Variants in ADGRG7 observed in about 807,000 individuals in gnomAD.
ADGRG7 encodes G-protein coupled receptor 128.
In ADGRG7, 82 loss-of-function variants were observed where a neutral mutation model predicts 88.6. The ratio of observed to expected loss-of-function variants is 0.93; its 90% CI spans 0.77 to 1.11. ADGRG7 has a LOEUF of 1.11. Ranked by LOEUF, ADGRG7 falls within the 50% of genes most tolerant of loss-of-function variation. The probability of loss-of-function intolerance (pLI) is 0.00; values close to 1 mark genes in which losing one functional copy is unlikely to be tolerated. For synonymous variants in ADGRG7, 381 were observed against 345.2 expected, an observed-to-expected ratio of 1.10 and a Z score of -1.15; for missense variants, 945 against 953.4, an observed-to-expected ratio of 0.99 and a Z score of 0.12.
intron 6 of ADGRG7, 87 bp from the exon 7 acceptor site, chr3:100,643,179 G>A: frequency 8.6e-7 from 1 of 1,167,520 alleles, no homozygotes; most frequent in Non-Finnish European, 1.2e-6. Context: ...CTATGCTCAT[G>A]TCTTTCTGCT....
intron 15 of ADGRG7, among the ~76,000 whole-genome samples, chr3:100,675,490 G>T (rs2094963897): frequency 6.6e-6 from 1 of 152,056 alleles, no homozygotes; most frequent in Non-Finnish European, 1.5e-5. Flanking sequence ...GCTGAATTTG[G>T]TTTTTTAGAA....
chr3:100,674,029 A>G (rs1219989226), intron 15 of ADGRG7, among the ~76,000 whole-genome samples: 1 of 152,210 alleles, frequency 6.6e-6, no homozygotes, highest in Non-Finnish European at 1.5e-5. Context: ...ATTTAGTGCT[A>G]TAAATTTCCC....
intron 13 of ADGRG7, among the ~76,000 whole-genome samples, chr3:100,658,290 T>C (rs1391202621): frequency 6.6e-6 from 1 of 152,256 alleles, no homozygotes; most frequent in Non-Finnish European, 1.5e-5. Flanking sequence ...TCCATATTAT[T>C]GCAATAGACT....
intron 10 of ADGRG7, among the ~76,000 whole-genome samples, chr3:100,648,835 C>T (rs558103318): frequency 6.6e-6 from 1 of 152,196 alleles, no homozygotes; most frequent in South Asian, 2.1e-4. Flanking sequence ...ATGAACTATA[C>T]ATATCCAACC....
At chr3:100,671,595 A>G (rs923673669) in intron 15 of ADGRG7, among the ~76,000 whole-genome samples, 1 of 152,104 alleles carries the variant, frequency 6.6e-6, no homozygotes, top group African/African-American at 2.4e-5. Flanking sequence ...TTTTGTTGCC[A>G]TTGCTTTTGG....
chr3:100,687,016 G>A (rs955540219), intron 15 of ADGRG7, among the ~76,000 whole-genome samples: 6 of 152,290 alleles, frequency 3.9e-5, no homozygotes, highest in Admixed American at 6.5e-5. Flanking sequence ...CCATGAGCAT[G>A]GAATGTTCTT....
chr3:100,626,123 T>C (rs1707377467), intron 1 of ADGRG7, among the ~76,000 whole-genome samples: 1 of 152,222 alleles, frequency 6.6e-6, no homozygotes, highest in South Asian at 2.1e-4. Flanking sequence ...AATGCAGCTC[T>C]GTGAATCCGT....
At chr3:100,659,367 G>A (rs1344955230) in intron 13 of ADGRG7, among the ~76,000 whole-genome samples, 4 of 147,334 alleles carry the variant, frequency 2.7e-5, no homozygotes, top group Non-Finnish European at 6.0e-5. Context: ...GTGAACCCAG[G>A]AGGCGGAGCT....
chr3:100,646,354 C>T (rs16842478), intron 9 of ADGRG7, among the ~76,000 whole-genome samples: 3,544 of 152,256 alleles, frequency 0.023, 111 homozygotes, highest in African/African-American at 0.069. Flanking sequence ...ATTTGAATAT[C>T]CCTCCCAACC....
intron 15 of ADGRG7, among the ~76,000 whole-genome samples, chr3:100,672,142 T>C (rs183456443): frequency 6.6e-6 from 1 of 152,360 alleles, no homozygotes; most frequent in Admixed American, 6.5e-5. Context: ...TAAATTACTT[T>C]GGGCAGTATG....
intron 15 of ADGRG7, among the ~76,000 whole-genome samples, chr3:100,670,003 A>G (rs1181473760): frequency 6.6e-6 from 1 of 152,134 alleles, no homozygotes; most frequent in East Asian, 1.9e-4. Context: ...ACACCACTGC[A>G]CTTCAGCCTG....
intron 15 of ADGRG7, among the ~76,000 whole-genome samples, chr3:100,669,822 G>C (rs191316767): frequency 6.6e-6 from 1 of 152,186 alleles, no homozygotes; most frequent in East Asian, 1.9e-4. Context: ...GATTGCCTGA[G>C]GTCAGGAGTT....
At position 100,629,588 on chromosome 3, in the gene ADGRG7, G is replaced by A; in HGVS notation, c.116-10G>A. The A allele has an allele frequency of 1.3e-6, 2 of 1,591,652 alleles. No individual in the cohort carries two copies. Among genetic ancestry groups the A allele is most frequent in the Non-Finnish European group, 1.7e-6 (2 of 1,160,428 alleles). Reference sequence around the variant, plus strand: ...GTTCATGACTATTCTGTTATTTATTGTTTCTTTAGGAAAATCTACTTCCTC... The same window carrying A: ...GTTCATGACTATTCTGTTATTTATTATTTCTTTAGGAAAATCTACTTCCTC... On this transcript the variant is annotated splice_polypyrimidine_tract_variant and intron_variant, in intron 1 of 15. Coordinates refer to ENST00000273352, the MANE Select transcript of ADGRG7 (RefSeq NM_032787.3).
At chr3:100,692,528 A>T (rs1043437170) in intron 15 of ADGRG7, among the ~76,000 whole-genome samples, 11 of 152,204 alleles carry the variant, frequency 7.2e-5, no homozygotes, top group African/African-American at 2.4e-4. Context: ...TGTTAATGGT[A>T]AAATGGTAAA....
At chr3:100,684,525 C>T (rs1306635433) in intron 15 of ADGRG7, among the ~76,000 whole-genome samples, 4 of 152,102 alleles carry the variant, frequency 2.6e-5, no homozygotes, top group African/African-American at 9.7e-5. Context: ...GCGTCAGCTT[C>T]CCAAAGTGTT....
At chr3:100,694,697 CT>C in intron 15 of ADGRG7, 46 bp from the exon 16 acceptor site, 1 of 1,566,152 alleles carries the variant, frequency 6.4e-7, no homozygotes, top group African/African-American at 1.4e-5. Flanking sequence ...TTCCTTGATA[CT>C]GTATCTCAGC....
chr3:100,613,072 T>C (rs1265860050), intron 1 of ADGRG7, among the ~76,000 whole-genome samples: 1 of 152,120 alleles, frequency 6.6e-6, no homozygotes, highest in Non-Finnish European at 1.5e-5. Flanking sequence ...GTATTTTTAG[T>C]AGAGATGTGG....
chr3:100,619,962 C>A (rs1001813657), intron 1 of ADGRG7, among the ~76,000 whole-genome samples: 1 of 152,126 alleles, frequency 6.6e-6, no homozygotes, highest in Non-Finnish European at 1.5e-5. Flanking sequence ...GATTCACAGC[C>A]AAATTCTACC....
At chr3:100,628,191 T>C (rs1707407412) in intron 1 of ADGRG7, among the ~76,000 whole-genome samples, 1 of 152,116 alleles carries the variant, frequency 6.6e-6, no homozygotes, top group Non-Finnish European at 1.5e-5. Context: ...TTAGTGGAAA[T>C]ACTATAGAGA....
Sources: gnomAD v4.1 joint callset for allele counts (sites outside exome capture counted in the v4.1 genomes callset) on GRCh38, gnomAD v4.1.1 for gene constraint, MANE v1.5 for transcripts, NCBI Gene and HGNC (gene_info 2026-07-23, HGNC 2026-07-21) for gene names.